Variants in OR2L13 observed in about 807,000 individuals in gnomAD.
The protein encoded by OR2L13 is olfactory receptor 2L13.
In OR2L13, 14 loss-of-function variants were observed where a neutral mutation model predicts 15.3. That is an observed-to-expected ratio of 0.91 (90% confidence interval 0.60 to 1.43). The LOEUF (loss-of-function observed/expected upper bound fraction) is 1.43. OR2L13 is among the 40% of genes most tolerant of loss of function. The pLI is 0.00. For missense variants in OR2L13, 367 were observed against 387.9 expected, an observed-to-expected ratio of 0.95 and a Z score of 0.45; for synonymous variants, 152 against 142.9, an observed-to-expected ratio of 1.06 and a Z score of -0.45.
the OR2L13 span, chr1:248,060,665 G>GGATTGT: frequency 6.3e-7 from 1 of 1,592,216 alleles, no homozygotes; most frequent in Non-Finnish European, 8.6e-7. Context: ...CTTCAGGAAA[G>GGATTGT]AGCACACGAA....
At chr1:247,974,259 C>T in the OR2L13 span, among the ~76,000 whole-genome samples, 5 of 151,996 alleles carry the variant, frequency 3.3e-5, no homozygotes, top group African/African-American at 1.2e-4. Flanking sequence ...CATCACACAC[C>T]AGAACCTTTG....
At chr1:247,975,867 A>G in the OR2L13 span, among the ~76,000 whole-genome samples, 7 of 152,270 alleles carry the variant, frequency 4.6e-5, no homozygotes, top group East Asian at 1.4e-3. Context: ...CAAAATATAG[A>G]TCATTTATTT....
chr1:248,071,167 C>G, the OR2L13 span, among the ~76,000 whole-genome samples: 1 of 152,148 alleles, frequency 6.6e-6, no homozygotes, highest in East Asian at 1.9e-4. Context: ...GGCAGAGACA[C>G]AACCGAAAAA....
At chr1:248,090,931 C>A (rs577231145), upstream of OR2L13, among the ~76,000 whole-genome samples, 22 of 152,166 alleles carry the variant, frequency 1.4e-4, no homozygotes, top group Non-Finnish European at 2.9e-4. Context: ...CTTTTCTCTG[C>A]ATCCTCACCT....
chr1:248,022,295 A>C, the OR2L13 span: 1 of 1,613,962 alleles, frequency 6.2e-7, no homozygotes, highest in African/African-American at 1.3e-5. Context: ...TCCTGACATC[A>C]ATGGCCTATG....
chr1:247,994,627 G>A, the OR2L13 span, among the ~76,000 whole-genome samples: 2 of 152,140 alleles, frequency 1.3e-5, no homozygotes, highest in Non-Finnish European at 1.5e-5. Context: ...GAGAAAGAGC[G>A]TAGGTCAAAT....
At chr1:248,002,850 A>C in the OR2L13 span, among the ~76,000 whole-genome samples, 17 of 142,128 alleles carry the variant, frequency 1.2e-4, no homozygotes, top group East Asian at 3.7e-3. Context: ...GCGAGACTCC[A>C]GCTCAAAAAA....
chr1:248,024,257 A>C, the OR2L13 span: 57 of 152,244 alleles, frequency 3.7e-4, no homozygotes, highest in Non-Finnish European at 7.5e-4. Context: ...CCAATGTAGA[A>C]AATTTTATAT....
chr1:248,079,936 C>T, the OR2L13 span, among the ~76,000 whole-genome samples: 1 of 152,146 alleles, frequency 6.6e-6, no homozygotes, highest in Admixed American at 6.5e-5. Flanking sequence ...ATGCAAGCCA[C>T]ACATTGGAAG....
chr1:247,938,546 C>T, the OR2L13 span, among the ~76,000 whole-genome samples: 16 of 152,124 alleles, frequency 1.1e-4, no homozygotes, highest in African/African-American at 3.9e-4. Flanking sequence ...CAAAAATAAT[C>T]TGTGATAGGG....
chr1:248,048,069 C>T, the OR2L13 span, among the ~76,000 whole-genome samples: 1 of 152,132 alleles, frequency 6.6e-6, no homozygotes, highest in East Asian at 1.9e-4. Flanking sequence ...GTAAGCACGT[C>T]CTCATTCCAA....
At chr1:248,007,370 T>C in the OR2L13 span, among the ~76,000 whole-genome samples, 1 of 152,204 alleles carries the variant, frequency 6.6e-6, no homozygotes, top group Non-Finnish European at 1.5e-5. Flanking sequence ...AAGTCTTTTA[T>C]GCCAGTAGGC....
chr1:248,083,393 T>C, the OR2L13 span: 1 of 435,748 alleles, frequency 2.3e-6, no homozygotes, highest in African/African-American at 2.0e-5. Flanking sequence ...TCAACAGTAC[T>C]TATATCATGG....
chr1:247,966,493 GGCATTTTAAT>G, the OR2L13 span: 1 of 691,070 alleles, frequency 1.4e-6, no homozygotes, highest in African/African-American at 1.8e-5. Flanking sequence ...GTGTTCCCCT[GGCATTTTAAT>G]GCTTTTACTT....
chr1:247,955,832 G>A, the OR2L13 span, among the ~76,000 whole-genome samples: 6 of 152,038 alleles, frequency 3.9e-5, no homozygotes, highest in African/African-American at 1.4e-4. Context: ...TGTAGATTCT[G>A]TATATTATTA....
At chr1:248,090,600 C>T (rs981630352), upstream of OR2L13, among the ~76,000 whole-genome samples, 1 of 152,176 alleles carries the variant, frequency 6.6e-6, no homozygotes, top group Admixed American at 6.5e-5. Context: ...ATCCATGTTG[C>T]TGCAAAGGAC....
chr1:248,020,073 G>T, the OR2L13 span, among the ~76,000 whole-genome samples: 8 of 152,054 alleles, frequency 5.3e-5, no homozygotes, highest in East Asian at 1.9e-4. Flanking sequence ...GTGAACAAAC[G>T]CACCTGACCT....
chr1:247,944,115 G>A, the OR2L13 span, among the ~76,000 whole-genome samples: 1 of 151,992 alleles, frequency 6.6e-6, no homozygotes, highest in Non-Finnish European at 1.5e-5. Context: ...GAAAGGATGA[G>A]TCTTTAAATT....
At chr1:247,944,137 T>A in the OR2L13 span, among the ~76,000 whole-genome samples, 2 of 152,044 alleles carry the variant, frequency 1.3e-5, no homozygotes, top group South Asian at 2.1e-4. Flanking sequence ...TGTTCTTTTT[T>A]AAAAAAAGTC....
Sources: gnomAD v4.1 joint callset for allele counts (sites outside exome capture counted in the v4.1 genomes callset) on GRCh38, gnomAD v4.1.1 for gene constraint, MANE v1.5 for transcripts, NCBI Gene and HGNC (gene_info 2026-07-23, HGNC 2026-07-21) for gene names.